IL1RAPL1: variants seen among roughly 807,000 people sequenced by gnomAD.
The protein encoded by IL1RAPL1 is interleukin 1 receptor accessory protein like 1.
IL1RAPL1 carries 3 observed loss-of-function variants against 48.4 expected under a neutral mutation model. The ratio of observed to expected loss-of-function variants is 0.06; its 90% CI spans 0.03 to 0.16. The LOEUF (loss-of-function observed/expected upper bound fraction) is 0.16. IL1RAPL1 is among the 10% of genes least tolerant of loss of function. The probability of loss-of-function intolerance (pLI) is 1.00; values close to 1 mark genes in which losing one functional copy is unlikely to be tolerated. For synonymous variants in IL1RAPL1, 185 were observed against 187.7 expected (o/e 0.99, Z 0.12); for missense variants, 349 against 530.6 (o/e 0.66, Z 3.36).
At chrX:29,002,438 A>G (rs1316713277) in intron 2 of IL1RAPL1, among the ~76,000 whole-genome samples, 1 of 110,341 alleles carries the variant, frequency 9.1e-6, no homozygotes, top group African/African-American at 3.3e-5. Context: ...AGTACTGGTA[A>G]TATTTCTTGA....
chrX:29,062,893 A>C (rs1927371912), intron 2 of IL1RAPL1, among the ~76,000 whole-genome samples: 2 of 111,653 alleles, frequency 1.8e-5, no homozygotes, highest in South Asian at 7.4e-4. Flanking sequence ...AAAATTGCAA[A>C]GTCTCATTTA....
At chrX:29,003,334 T>A (rs992234010) in intron 2 of IL1RAPL1, among the ~76,000 whole-genome samples, 1 of 111,542 alleles carries the variant, frequency 9.0e-6, no homozygotes. Flanking sequence ...CAGATTTTAA[T>A]GAGGGGAGGG....
At chrX:28,919,333 G>A (rs1022233179) in intron 2 of IL1RAPL1, among the ~76,000 whole-genome samples, 1 of 112,042 alleles carries the variant, frequency 8.9e-6, no homozygotes, top group African/African-American at 3.2e-5. Flanking sequence ...CTCTGTAGTC[G>A]TAGTTTATTA....
chrX:29,683,766 G>T (rs1299270951), intron 6 of IL1RAPL1, among the ~76,000 whole-genome samples: 1 of 112,166 alleles, frequency 8.9e-6, no homozygotes, highest in East Asian at 2.8e-4. Context: ...TGTTAAGAGA[G>T]TCTATGTCTC....
intron 2 of IL1RAPL1, among the ~76,000 whole-genome samples, chrX:29,173,835 C>G (rs1363852481): frequency 8.9e-6 from 1 of 111,801 alleles, no homozygotes; most frequent in Non-Finnish European, 1.9e-5. Flanking sequence ...ACTCAAAAAT[C>G]TTCAATATAA....
At chrX:29,429,330 C>G (rs1164980384) in intron 5 of IL1RAPL1, among the ~76,000 whole-genome samples, 1 of 112,169 alleles carries the variant, frequency 8.9e-6, no homozygotes, top group Non-Finnish European at 1.9e-5. Flanking sequence ...GAATTAACAG[C>G]TACTGGAGGA....
intron 5 of IL1RAPL1, among the ~76,000 whole-genome samples, chrX:29,404,726 C>A (rs923614615): frequency 1.8e-5 from 2 of 111,733 alleles, no homozygotes; most frequent in African/African-American, 6.5e-5. Context: ...TGGCACTCTT[C>A]TTTATGTAGA....
chrX:28,661,616 ACT>A (rs111634530), intron 1 of IL1RAPL1, among the ~76,000 whole-genome samples: 2,150 of 111,451 alleles, frequency 0.019, 42 homozygotes, highest in African/African-American at 0.066. Flanking sequence ...AATGGTATTA[ACT>A]CTAGGAGACA....
At chrX:28,784,214 G>A (rs973301130) in intron 1 of IL1RAPL1, among the ~76,000 whole-genome samples, 7 of 111,677 alleles carry the variant, frequency 6.3e-5, no homozygotes, top group Admixed American at 1.9e-4. Flanking sequence ...AACATGCATC[G>A]CTTTGTGTAA....
intron 6 of IL1RAPL1, among the ~76,000 whole-genome samples, chrX:29,749,224 A>G (rs1928402380): frequency 9.0e-6 from 1 of 111,631 alleles, no homozygotes; most frequent in African/African-American, 3.3e-5. Flanking sequence ...TGTTATACTC[A>G]CTCTTAACAT....
chrX:29,170,380 A>T (rs1306432870), intron 2 of IL1RAPL1, among the ~76,000 whole-genome samples: 2 of 111,943 alleles, frequency 1.8e-5, no homozygotes, highest in Non-Finnish European at 3.8e-5. Context: ...CATCAAAAAG[A>T]CAGAGAATGA....
At chrX:29,417,445 A>G (rs898373728) in intron 5 of IL1RAPL1, among the ~76,000 whole-genome samples, 7 of 111,929 alleles carry the variant, frequency 6.3e-5, no homozygotes, top group African/African-American at 1.9e-4. Flanking sequence ...GGGCAGTTCA[A>G]TATGAATATG....
intron 2 of IL1RAPL1, among the ~76,000 whole-genome samples, chrX:29,046,947 AC>A (rs1344137378): frequency 9.0e-6 from 1 of 111,442 alleles, no homozygotes; most frequent in Non-Finnish European, 1.9e-5. Flanking sequence ...AGTTTACAAA[AC>A]CCACCGAAGT....
chrX:29,365,863 AC>A (rs1173955623), intron 3 of IL1RAPL1, among the ~76,000 whole-genome samples: 1 of 109,180 alleles, frequency 9.2e-6, no homozygotes, highest in African/African-American at 3.3e-5. Flanking sequence ...GCATGGTGAA[AC>A]CCCCCATCTC....
chrX:28,931,400 T>C (rs1456314597), intron 2 of IL1RAPL1, among the ~76,000 whole-genome samples: 1 of 112,293 alleles, frequency 8.9e-6, no homozygotes, highest in East Asian at 2.8e-4. Context: ...TTATTTTCAG[T>C]GTATTATGAA....
chrX:28,740,377 G>A (rs1293755065), intron 1 of IL1RAPL1, among the ~76,000 whole-genome samples: 5 of 112,070 alleles, frequency 4.5e-5, no homozygotes, highest in Non-Finnish European at 9.4e-5. Flanking sequence ...GTTTGACTTT[G>A]TGTATATCTG....
chrX:29,333,576 G>T (rs1400111345), intron 3 of IL1RAPL1, among the ~76,000 whole-genome samples: 5 of 95,227 alleles, frequency 5.3e-5, no homozygotes, highest in Admixed American at 1.0e-4. Flanking sequence ...CTGGCCAGGC[G>T]GGGGGCTGAC....
rs1929984914 is a variant in IL1RAPL1 at position 29,802,832 on chromosome X, T to TATATATGTGTATATATGTGTAC, written c.779-114628_779-114627insATGTGTATATATGTGTACATAT. ...ATATGTGTGTATATATATGTATACA[T>TATATATGTGTATATATGTGTAC]ATATGTATACATATATGTGTATATA... On this transcript the variant is annotated intron_variant, in intron 6 of 10. Transcript: ENST00000378993. Among the ~76,000 whole-genome samples, 8 of 76,108 alleles carry TATATATGTGTATATATGTGTAC rather than the reference T, an allele frequency of 1.1e-4. 1 individual carries two copies. The highest frequency in any genetic ancestry group is 5.0e-4 in the African/African-American group (8 of 16,072). The allele number at this position is 76,108 out of a possible 115,157, so 66.1% of individuals were successfully genotyped here.
chrX:29,782,701 A>G, intron 6 of IL1RAPL1, among the ~76,000 whole-genome samples: 1 of 110,281 alleles, frequency 9.1e-6, no homozygotes. Flanking sequence ...TTGGAAAAAT[A>G]AGTAGTAATT....
Sources: allele counts gnomAD v4.1 joint callset (sites outside exome capture counted in the v4.1 genomes callset), GRCh38; gene constraint gnomAD v4.1.1; transcripts MANE v1.5; gene names NCBI Gene and HGNC (gene_info 2026-07-23, HGNC 2026-07-21).